Variants in KANK1 observed in about 807,000 individuals in gnomAD.
KANK1 encodes KN motif and ankyrin repeat domain-containing protein 1.
KANK1 carries 109 observed loss-of-function variants against 106.2 expected under a neutral mutation model. That is an observed-to-expected ratio of 1.03 (90% CI 0.88 to 1.20). The LOEUF is 1.20. Among genes scored for constraint, KANK1 ranks in the 50% most tolerant of loss-of-function variants. KANK1 has a pLI of 0.00. For missense variants in KANK1, 2,399 were observed against 1,710.7 expected (o/e 1.40, Z -7.10); for synonymous variants, 873 against 652.2 (o/e 1.34, Z -5.16).
chr9:591,186 C>A (rs1411808597), intron 1 of KANK1, among the ~76,000 whole-genome samples: 2 of 151,352 alleles, frequency 1.3e-5, no homozygotes, highest in Non-Finnish European at 1.5e-5. Context: ...TTTTAAATGT[C>A]TTTTATTATA....
chr9:525,755 C>G (rs915883134), intron 1 of KANK1, among the ~76,000 whole-genome samples: 8 of 151,478 alleles, frequency 5.3e-5, no homozygotes, highest in African/African-American at 2.0e-4. Flanking sequence ...GATGTTAGCC[C>G]TGTGATATAG....
chr9:683,444 C>T (rs1817960973), intron 2 of KANK1, among the ~76,000 whole-genome samples: 1 of 152,174 alleles, frequency 6.6e-6, no homozygotes. Flanking sequence ...TTCAGTTGTC[C>T]AGCCTTCCTT....
chr9:514,090 C>G (rs867725455), intron 1 of KANK1, among the ~76,000 whole-genome samples: 34 of 149,480 alleles, frequency 2.3e-4, no homozygotes, highest in African/African-American at 8.3e-4. Context: ...CTCCTTCCCT[C>G]CTTCTCTTAC....
chr9:647,790 A>G (rs1228439590), intron 1 of KANK1, among the ~76,000 whole-genome samples: 2 of 150,622 alleles, frequency 1.3e-5, no homozygotes, highest in African/African-American at 2.5e-5. Context: ...ACACTTATAT[A>G]TAGCAGAGAT....
At chr9:646,036 A>T (rs1839598869) in intron 1 of KANK1, among the ~76,000 whole-genome samples, 1 of 150,890 alleles carries the variant, frequency 6.6e-6, no homozygotes, top group African/African-American at 2.5e-5. Flanking sequence ...AGACCCATGG[A>T]GCTGATAGTT....
At chr9:641,463 G>A (rs986851055) in intron 1 of KANK1, among the ~76,000 whole-genome samples, 1 of 152,092 alleles carries the variant, frequency 6.6e-6, no homozygotes, top group African/African-American at 2.4e-5. Flanking sequence ...TTTCTTTTAT[G>A]AAATGGCTAA....
intron 1 of KANK1, among the ~76,000 whole-genome samples, chr9:661,732 C>G (rs937794033): frequency 9.2e-5 from 14 of 152,288 alleles, no homozygotes; most frequent in African/African-American, 2.9e-4. Flanking sequence ...CTAGTTTACA[C>G]TCCCACCAAC....
chr9:591,019 A>G (rs987318998), intron 1 of KANK1, among the ~76,000 whole-genome samples: 1 of 151,842 alleles, frequency 6.6e-6, no homozygotes, highest in African/African-American at 2.4e-5. Context: ...AACAAACAAA[A>G]AAACCTTACC....
intron 2 of KANK1, among the ~76,000 whole-genome samples, chr9:688,242 C>G (rs759321858): frequency 6.6e-6 from 1 of 152,190 alleles, no homozygotes; most frequent in Non-Finnish European, 1.5e-5. Flanking sequence ...CACACTCTTG[C>G]GTTCTGCCTC....
intron 1 of KANK1, among the ~76,000 whole-genome samples, chr9:613,391 C>G (rs1350639633): frequency 6.6e-6 from 1 of 151,548 alleles, no homozygotes; most frequent in Non-Finnish European, 1.5e-5. Flanking sequence ...CCATGGCCCA[C>G]AGGCTGCATG....
At position 711,012 on chromosome 9, in the gene KANK1, G is replaced by C. The variant is rs1030961052; in HGVS notation, c.246G>C (p.Gln82His). ...CAGAACCCAGGACCACATCTGGTCA[G>C]CAAGGTATATGGACTTCCACTGAAT... ...PCPEPRTTSG[Q>H]QGIWTSTESL... Residue 82 changes from glutamine to histidine, a missense_variant, in exon 3 of 12, where the codon CAG becomes CAC. By Grantham distance (24) the Gln-to-His change is conservative. Transcript: ENST00000382297. The C allele has an allele frequency of 2.5e-6, 4 of 1,614,210 alleles. No homozygotes were observed. The highest frequency in any genetic ancestry group is 3.4e-6 in the Non-Finnish European group (4 of 1,180,038).
At chr9:743,754 G>GT (rs1268172467) in intron 10 of KANK1, among the ~76,000 whole-genome samples, 2 of 152,106 alleles carry the variant, frequency 1.3e-5, no homozygotes, top group Non-Finnish European at 2.9e-5. Flanking sequence ...CTCAGATACC[G>GT]TGGTGGTTGA....
chr9:507,412 G>A (rs1043426756), intron 1 of KANK1, among the ~76,000 whole-genome samples: 3 of 151,956 alleles, frequency 2.0e-5, no homozygotes, highest in South Asian at 4.2e-4. Context: ...CCCTGCCGAC[G>A]GAGTTTTGCT....
chr9:546,574 C>G (rs890696285), intron 1 of KANK1, among the ~76,000 whole-genome samples: 1 of 152,052 alleles, frequency 6.6e-6, no homozygotes, highest in East Asian at 1.9e-4. Flanking sequence ...CTTGCCTCTC[C>G]TACCTCTCTA....
intron 2 of KANK1, among the ~76,000 whole-genome samples, chr9:703,024 C>G (rs1823077488): frequency 6.6e-6 from 1 of 152,074 alleles, no homozygotes; most frequent in South Asian, 2.1e-4. Context: ...CGGAGTCTCT[C>G]TCTGTTGCCC....
rs1261053371 is a variant in KANK1 at position 561,925 on chromosome 9, A to ACAACG, written c.-84+57175_-84+57179dup. Among the ~76,000 whole-genome samples the ACAACG allele has an allele frequency of 2.6e-5, 4 of 152,364 alleles. No homozygotes were observed. The South Asian group carries it at 8.3e-4, about 32-fold the overall frequency. On this transcript the variant is annotated intron_variant, in intron 1 of 11. Transcript: ENST00000382297. ...AAGGAAGAGAGGCTCATGGCAGGCA[A>ACAACG]CAACGCAATGCTGTTAGGTTGCATG... is the stretch of plus-strand genomic sequence containing the variant.
At chr9:494,070 A>G (rs1319792779) in intron 3 of KANK1, among the ~76,000 whole-genome samples, 2 of 151,622 alleles carry the variant, frequency 1.3e-5, no homozygotes, top group Non-Finnish European at 2.9e-5. Flanking sequence ...TTTAGTAGAG[A>G]TGGGGTTTCA....
rs550880942 is a variant in KANK1, at chr9:633,062, G to A, written c.-83-43828G>A. On this transcript the variant is annotated intron_variant, in intron 1 of 11. Transcript: ENST00000382297. ...GGCCCCCTCCCTCCACATCTTATGA[G>A]GTTTCCTACCATTTTCTGTCCAATC... 4.6e-5 allele frequency among the ~76,000 whole-genome samples: 7 copies of A among 152,152 alleles called. No individual in the cohort carries two copies. In the South Asian group the frequency reaches 1.5e-3, roughly 32 times the overall value.
intron 1 of KANK1, among the ~76,000 whole-genome samples, chr9:605,470 C>T (rs1041996476): frequency 1.3e-5 from 2 of 151,762 alleles, no homozygotes; most frequent in African/African-American, 4.9e-5. Flanking sequence ...TGCGTACACT[C>T]AGTCTTTAAG....
Sources: allele counts gnomAD v4.1 joint callset (sites outside exome capture counted in the v4.1 genomes callset), GRCh38; gene constraint gnomAD v4.1.1; transcripts MANE v1.5; gene names NCBI Gene and HGNC (gene_info 2026-07-23, HGNC 2026-07-21).